COX19: variants seen among roughly 807,000 people sequenced by gnomAD.
COX19 encodes the protein cytochrome c oxidase assembly protein COX19.
A neutral mutation model predicts 6.8 loss-of-function variants in COX19; 8 were observed. That is an observed-to-expected ratio of 1.18 (90% CI 0.69 to 2.12). COX19 has a LOEUF of 2.12. COX19 is among the 30% of genes most tolerant of loss of function. COX19 has a pLI of 0.00. For synonymous variants in COX19, 51 were observed against 38.0 expected (o/e 1.34, Z -1.26); for missense variants, 131 against 104.6 (o/e 1.25, Z -1.10).
At position 966,967 on chromosome 7, in the gene COX19, T is replaced by TAAGAATGGC. The variant is rs1441220251; in HGVS notation, c.*2402_*2410dup. The TAAGAATGGC allele has an allele frequency of 6.6e-6, 1 of 152,064 alleles. No homozygotes were observed. 9.4% of individuals were successfully genotyped at this position (152,064 alleles called of 1,614,324 possible). ...GGGTCCAAGAAGCTTTTATTTTACT[T>TAAGAATGGC]AAGAATGGCCCCAGAACAGGACAGT... On this transcript the variant is annotated 3_prime_UTR_variant, in exon 3 of 3. Transcript: ENST00000344111.
intron 2 of COX19, among the ~76,000 whole-genome samples, chr7:969,711 G>C (rs970853968): frequency 6.6e-6 from 1 of 152,114 alleles, no homozygotes; most frequent in African/African-American, 2.4e-5. Context: ...TCCAAGAGGG[G>C]CAGCTGCACC....
At chr7:975,367 G>T in intron 1 of COX19, 61 bp downstream of exon 1, 1 of 1,366,490 alleles carries the variant, frequency 7.3e-7, no homozygotes. Context: ...AGGGCTCCGC[G>T]CTGGGCCGCG....
At chr7:969,773 G>C (rs548178901) in intron 2 of COX19, among the ~76,000 whole-genome samples, 1 of 152,136 alleles carries the variant, frequency 6.6e-6, no homozygotes, top group Non-Finnish European at 1.5e-5. Flanking sequence ...AGATGTATCT[G>C]GACAACAGCT....
In COX19 at chr7:965,075, G is replaced by A. The variant is rs1847532191; in HGVS notation, c.*4303C>T. Among the ~76,000 whole-genome samples the A allele has an allele frequency of 6.6e-6, 1 of 152,180 alleles. No individual in the cohort carries two copies. The highest frequency in any genetic ancestry group is 2.4e-5 in the African/African-American group (1 of 41,446). On this transcript the variant is annotated 3_prime_UTR_variant, in exon 3 of 3. Coordinates refer to ENST00000344111, the MANE Select transcript of COX19 (RefSeq NM_001031617.3). ...GGAAGCCACTGCACGTTTGTAAGGA[G>A]TCAGGTTGTCCACACAATGGCGCTA...
intron 2 of COX19, 41 bp from the exon 3 acceptor site, chr7:969,497 A>T (rs1412733737): frequency 7.8e-7 from 1 of 1,276,254 alleles, no homozygotes; most frequent in Admixed American, 1.7e-5. Context: ...GGAGGTGCAG[A>T]GAGGACAAGA....
intron 1 of COX19, 139 bp downstream of exon 1, chr7:975,289 G>A (rs932424471): frequency 3.2e-5 from 20 of 621,286 alleles, no homozygotes; most frequent in Non-Finnish European, 5.5e-5. Context: ...AGGGCTGGGT[G>A]GGGCGGAGGG....
At chr7:973,393 T>C (rs1193403722) in intron 1 of COX19, 101 bp from the exon 2 acceptor site, 1 of 1,386,930 alleles carries the variant, frequency 7.2e-7, no homozygotes, top group Admixed American at 3.1e-5. Context: ...CAAAACTTGT[T>C]TCCTCAGGCC....
chr7:969,051 C>T lies in COX19; in HGVS notation c.*327G>A. ...AAATTTATACATTTACCTCTTTGAACTCAGAAAGTATCAGAGGACTGCAAC... is the reference window on the plus strand; with the variant it reads ...AAATTTATACATTTACCTCTTTGAATTCAGAAAGTATCAGAGGACTGCAAC... On this transcript the variant is annotated 3_prime_UTR_variant, in exon 3 of 3. Coordinates refer to ENST00000344111, the MANE Select transcript of COX19 (RefSeq NM_001031617.3). 4.1e-6 allele frequency: 1 copy of T among 241,042 alleles called. No individual in the cohort carries two copies. Among genetic ancestry groups the T allele is most frequent in the Non-Finnish European group, 7.9e-6 (1 of 125,794 alleles). 14.9% of individuals were successfully genotyped at this position (241,042 alleles called of 1,614,324 possible).
chr7:975,137 G>T (rs1295628292), intron 1 of COX19: 1 of 373,300 alleles, frequency 2.7e-6, no homozygotes, highest in Non-Finnish European at 4.8e-6. Flanking sequence ...GCAAACCCGG[G>T]GCACAGACAG....
At position 967,171 on chromosome 7, in the gene COX19, T is replaced by C. The variant is rs1270538846; in HGVS notation, c.*2207A>G. On this transcript the variant is annotated 3_prime_UTR_variant, in exon 3 of 3. Transcript: ENST00000344111. ...GAGGGAAGCACGAAGTTCTGTCAGT[T>C]TTGCTGTCACATCTCAGACTTGATC... 3 of 152,064 alleles carry C rather than the reference T, an allele frequency of 2.0e-5. No individual in the cohort carries two copies. The highest frequency in any genetic ancestry group is 2.0e-4 in the Admixed American group (3 of 15,258). 9.4% of individuals were successfully genotyped at this position (152,064 alleles called of 1,614,324 possible).
At chr7:971,143 C>T (rs1256284021) in intron 2 of COX19, among the ~76,000 whole-genome samples, 1 of 152,228 alleles carries the variant, frequency 6.6e-6, no homozygotes, top group Admixed American at 6.5e-5. Context: ...GAGGCTGCTC[C>T]ACCAGCGTGT....
In COX19 at chr7:966,453, CTGTT is replaced by C. The variant is rs955566381; in HGVS notation, c.*2921_*2924del. 3.3e-5 allele frequency: 5 copies of C among 152,310 alleles called. No individual in the cohort carries two copies. The highest frequency in any genetic ancestry group is 5.9e-5 in the Non-Finnish European group (4 of 68,086). The allele number at this position is 152,310 out of a possible 1,614,324, so 9.4% of individuals were successfully genotyped here. A position where few individuals can be genotyped will look rare whatever the true frequency, so the allele number is the denominator to read the frequency against. ...GCAGGCGTGAGCCGCTGCGCCCAGCCTGTTTATTTTCACGCTCACACTGCCCCAG... is the reference window on the plus strand; with the variant it reads ...GCAGGCGTGAGCCGCTGCGCCCAGCCTATTTTCACGCTCACACTGCCCCAG... On this transcript the variant is annotated 3_prime_UTR_variant, in exon 3 of 3. Transcript: ENST00000344111.
rs1012120202 is a variant in COX19, at chr7:965,948, G to A, written c.*3430C>T. The A allele has an allele frequency of 6.6e-6, 1 of 152,056 alleles. No homozygotes were observed. Among genetic ancestry groups the A allele is most frequent in the African/African-American group, 2.4e-5 (1 of 41,414 alleles). The allele number at this position is 152,056 out of a possible 1,614,324, so 9.4% of individuals were successfully genotyped here. On this transcript the variant is annotated 3_prime_UTR_variant, in exon 3 of 3. Transcript: ENST00000344111. ...GCCACTGGCGCCCGGCCCGCTGAGG[G>A]TTGTAATCTGCACCTGTCACCAGTG...
intron 1 of COX19, among the ~76,000 whole-genome samples, chr7:973,603 C>A (rs1429332564): frequency 6.6e-6 from 1 of 151,854 alleles, no homozygotes; most frequent in Non-Finnish European, 1.5e-5. Context: ...CAAAGGATTT[C>A]GAGGCTGCAG....
At chr7:969,482 G>C in intron 2 of COX19, 26 bp from the exon 3 acceptor site, 2 of 1,493,228 alleles carry the variant, frequency 1.3e-6, no homozygotes, top group Non-Finnish European at 1.9e-6. Context: ...AAAGCTGTCA[G>C]GGCGGGAGGT....
chr7:971,742 G>A (rs1847638542), intron 2 of COX19, among the ~76,000 whole-genome samples: 1 of 152,106 alleles, frequency 6.6e-6, no homozygotes, highest in Admixed American at 6.6e-5. Flanking sequence ...AAGGTGGCAG[G>A]CGCCTGTAGT....
intron 2 of COX19, among the ~76,000 whole-genome samples, chr7:972,127 A>G (rs1469385518): frequency 2.0e-5 from 3 of 152,196 alleles, no homozygotes; most frequent in African/African-American, 7.2e-5. Flanking sequence ...TCTCAGTTCC[A>G]GTTTTCTAAA....
intron 1 of COX19, among the ~76,000 whole-genome samples, chr7:973,846 G>A (rs1281833824): frequency 3.3e-5 from 5 of 151,760 alleles, no homozygotes; most frequent in Admixed American, 3.3e-4. Flanking sequence ...GGTGTCTGTA[G>A]TCCCAGCTAC....
intron 2 of COX19, among the ~76,000 whole-genome samples, chr7:971,978 G>A (rs1263694396): frequency 6.6e-6 from 1 of 152,174 alleles, no homozygotes; most frequent in Non-Finnish European, 1.5e-5. Flanking sequence ...TGAGGCACTG[G>A]CCCTGGCTCC....
Sources: gnomAD v4.1 joint callset for allele counts (sites outside exome capture counted in the v4.1 genomes callset) on GRCh38, gnomAD v4.1.1 for gene constraint, MANE v1.5 for transcripts, NCBI Gene and HGNC (gene_info 2026-07-23, HGNC 2026-07-21) for gene names.